PPP1R9A: variants seen among roughly 807,000 people sequenced by gnomAD.
PPP1R9A encodes the protein neurabin-1.
Under a neutral mutation model 141.9 loss-of-function variants are expected in PPP1R9A, and 59 were observed. The observed-to-expected ratio is 0.42, with a 90% CI of 0.34 to 0.52. The LOEUF (loss-of-function observed/expected upper bound fraction) is 0.52. Among genes scored for constraint, PPP1R9A ranks in the 20% least tolerant of loss-of-function variants. PPP1R9A has a pLI of 0.10. For synonymous variants in PPP1R9A, 500 were observed against 569.7 expected, an observed-to-expected ratio of 0.88 and a Z score of 1.74; for missense variants, 1,444 against 1,611.9, an observed-to-expected ratio of 0.90 and a Z score of 1.78.
At chr7:95,274,262 T>C in intron 16 of PPP1R9A, 94 bp downstream of exon 16, 1 of 1,134,780 alleles carries the variant, frequency 8.8e-7, no homozygotes, top group Non-Finnish European at 1.2e-6. Context: ...TCAGTATCTT[T>C]GAGCTAAAGT....
intron 2 of PPP1R9A, among the ~76,000 whole-genome samples, chr7:95,039,160 T>C (rs886480956): frequency 3.3e-5 from 5 of 152,182 alleles, no homozygotes; most frequent in African/African-American, 1.2e-4. Context: ...AGGTTGGAAT[T>C]ATAAGACAGG....
chr7:95,008,632 T>C (rs1803962222), intron 2 of PPP1R9A, among the ~76,000 whole-genome samples: 1 of 152,164 alleles, frequency 6.6e-6, no homozygotes, highest in Admixed American at 6.5e-5. Flanking sequence ...TGTTGTCCTC[T>C]GGTAGAAGAG....
intron 6 of PPP1R9A, among the ~76,000 whole-genome samples, chr7:95,199,246 G>T (rs150013082): frequency 1.3e-5 from 2 of 152,074 alleles, no homozygotes; most frequent in African/African-American, 4.8e-5. Context: ...TTATAAACAC[G>T]TTTAAACATT....
At chr7:95,198,636 C>A in intron 6 of PPP1R9A, 152 bp downstream of exon 6, 1 of 860,724 alleles carries the variant, frequency 1.2e-6, no homozygotes, top group Non-Finnish European at 1.7e-6. Flanking sequence ...AAATACTACT[C>A]GCATCTGATA....
chr7:95,218,680 A>G (rs1793900975), intron 7 of PPP1R9A, among the ~76,000 whole-genome samples: 3 of 152,194 alleles, frequency 2.0e-5, no homozygotes, highest in Admixed American at 2.0e-4. Flanking sequence ...TATTTAGGAT[A>G]GTTAGCTCTT....
At chr7:95,110,210 A>G (rs1820309093) in intron 2 of PPP1R9A, among the ~76,000 whole-genome samples, 1 of 152,216 alleles carries the variant, frequency 6.6e-6, no homozygotes, top group Non-Finnish European at 1.5e-5. Context: ...CTTGTTTTCC[A>G]ATAATACAAA....
intron 2 of PPP1R9A, among the ~76,000 whole-genome samples, chr7:95,089,315 T>A (rs1483979006): frequency 6.6e-6 from 1 of 152,032 alleles, no homozygotes; most frequent in Non-Finnish European, 1.5e-5. Context: ...ACAAGAGGGC[T>A]CCATCTCTTT....
intron 7 of PPP1R9A, among the ~76,000 whole-genome samples, chr7:95,214,512 C>CA (rs1388269972): frequency 6.6e-6 from 1 of 152,112 alleles, no homozygotes; most frequent in Non-Finnish European, 1.5e-5. Flanking sequence ...AGGCACAAAT[C>CA]ACAGTCTTTT....
chr7:95,244,444 G>A (rs1797849370), intron 8 of PPP1R9A, among the ~76,000 whole-genome samples: 1 of 152,136 alleles, frequency 6.6e-6, no homozygotes, highest in Admixed American at 6.6e-5. Context: ...CACACCTGTT[G>A]TATGTGAAAG....
intron 5 of PPP1R9A, among the ~76,000 whole-genome samples, chr7:95,183,451 T>TC (rs1834158603): frequency 7.0e-6 from 1 of 143,806 alleles, no homozygotes; most frequent in Admixed American, 6.9e-5. Context: ...AAATATTCTT[T>TC]TTTTTTTTTT....
At chr7:95,142,199 A>T (rs1195436605) in intron 4 of PPP1R9A, among the ~76,000 whole-genome samples, 1 of 151,980 alleles carries the variant, frequency 6.6e-6, no homozygotes, top group African/African-American at 2.4e-5. Context: ...CCCATTTTAA[A>T]ATTCGGTTGT....
chr7:95,274,512 A>G (rs980087793), intron 16 of PPP1R9A, among the ~76,000 whole-genome samples: 2 of 152,188 alleles, frequency 1.3e-5, no homozygotes, highest in African/African-American at 4.8e-5. Context: ...GCTACCCACA[A>G]TGCTAGTGCA....
At chr7:95,218,640 A>G (rs1793887556) in intron 7 of PPP1R9A, among the ~76,000 whole-genome samples, 2 of 152,086 alleles carry the variant, frequency 1.3e-5, no homozygotes, top group South Asian at 4.2e-4. Context: ...TGCTTTATGA[A>G]TCTGGGTGCT....
intron 2 of PPP1R9A, among the ~76,000 whole-genome samples, chr7:94,958,978 T>C: frequency 6.6e-6 from 1 of 152,010 alleles, no homozygotes; most frequent in East Asian, 1.9e-4. Flanking sequence ...AAATAGTTAA[T>C]GGACAACCAC....
rs114763550 is a variant in PPP1R9A at position 95,207,268 on chromosome 7, C to A, written c.1956+3538C>A. Among the ~76,000 whole-genome samples the A allele has an allele frequency of 8.6e-3, 1,314 of 152,086 alleles. 16 individuals carry two copies. The highest frequency in any genetic ancestry group is 0.03 in the African/African-American group (1,262 of 41,534). On this transcript the variant is annotated intron_variant, in intron 7 of 19. Transcript: ENST00000433360. ...AAGAAAATAAATATAAGGTCAAAAT[C>A]ATTTTATTATCAATTATACCAAACT...
At chr7:95,085,160 T>C (rs555057962) in intron 2 of PPP1R9A, among the ~76,000 whole-genome samples, 1 of 152,158 alleles carries the variant, frequency 6.6e-6, no homozygotes, top group East Asian at 1.9e-4. Flanking sequence ...GTCATGTGTT[T>C]ATTAACCATT....
intron 2 of PPP1R9A, among the ~76,000 whole-genome samples, chr7:95,002,931 G>A (rs1803136734): frequency 6.6e-6 from 1 of 152,150 alleles, no homozygotes; most frequent in Non-Finnish European, 1.5e-5. Context: ...TGGCTACACT[G>A]CAGTAGGACC....
chr7:95,073,570 A>G (rs1380623094), intron 2 of PPP1R9A, among the ~76,000 whole-genome samples: 2 of 149,908 alleles, frequency 1.3e-5, no homozygotes, highest in African/African-American at 4.9e-5. Context: ...TTTCTACACA[A>G]TTAGTTTCTT....
chr7:95,068,781 T>G (rs1420654268), intron 2 of PPP1R9A, among the ~76,000 whole-genome samples: 1 of 151,982 alleles, frequency 6.6e-6, no homozygotes, highest in East Asian at 1.9e-4. Flanking sequence ...CACACTTGAG[T>G]GGAGATGGTG....
Sources: allele counts gnomAD v4.1 joint callset (sites outside exome capture counted in the v4.1 genomes callset), GRCh38; gene constraint gnomAD v4.1.1; transcripts MANE v1.5; gene names NCBI Gene and HGNC (gene_info 2026-07-23, HGNC 2026-07-21).